Variants in ANO4 observed in about 807,000 individuals in gnomAD.
The protein encoded by ANO4 is anoctamin-4.
ANO4 carries 69 observed loss-of-function variants against 141.9 expected under a neutral mutation model. The observed-to-expected ratio is 0.49, with a 90% confidence interval of 0.40 to 0.59. ANO4 has a LOEUF of 0.59. Ranked by LOEUF, ANO4 falls within the 20% of genes least tolerant of loss-of-function variation. ANO4 has a pLI of 0.00. For missense variants in ANO4, 894 were observed against 1,162.2 expected (o/e 0.77, Z 3.36); for synonymous variants, 350 against 394.3 (o/e 0.89, Z 1.33).
chr12:100,939,293 A>G (rs766302054), intron 3 of ANO4, 22 bp from the exon 4 acceptor site: 2 of 1,604,834 alleles, frequency 1.2e-6, no homozygotes, highest in African/African-American at 1.3e-5. Flanking sequence ...CCCACCTTAT[A>G]ATGTATTTAC....
intron 8 of ANO4, among the ~76,000 whole-genome samples, chr12:101,019,496 C>G (rs1168893770): frequency 6.6e-6 from 1 of 152,056 alleles, no homozygotes; most frequent in Non-Finnish European, 1.5e-5. Flanking sequence ...AAGAAAGATC[C>G]TATTCACGAA....
At chr12:101,109,749 T>G (rs1341901692) in intron 22 of ANO4, among the ~76,000 whole-genome samples, 1 of 152,166 alleles carries the variant, frequency 6.6e-6, no homozygotes, top group Non-Finnish European at 1.5e-5. Context: ...CTACAAAAAT[T>G]ATTACTGTGA....
chr12:100,892,097 G>T (rs1034789275), intron 1 of ANO4, among the ~76,000 whole-genome samples: 13 of 152,186 alleles, frequency 8.5e-5, no homozygotes, highest in Admixed American at 7.2e-4. Flanking sequence ...TCTTTTTAAG[G>T]TTGAATAGAA....
At chr12:101,011,614 G>T (rs117700786) in intron 8 of ANO4, among the ~76,000 whole-genome samples, 2 of 152,100 alleles carry the variant, frequency 1.3e-5, no homozygotes, top group African/African-American at 4.8e-5. Flanking sequence ...AACAGAGGCA[G>T]AATAATTACA....
intron 1 of ANO4, among the ~76,000 whole-genome samples, chr12:100,890,041 A>T (rs1223192350): frequency 6.6e-6 from 1 of 152,176 alleles, no homozygotes; most frequent in South Asian, 2.1e-4. Context: ...TAATATTACT[A>T]TAATCATAAT....
intron 8 of ANO4, among the ~76,000 whole-genome samples, chr12:101,012,608 A>G (rs1328251963): frequency 6.6e-6 from 1 of 152,196 alleles, no homozygotes; most frequent in Non-Finnish European, 1.5e-5. Flanking sequence ...AGATAAGGTC[A>G]TTGGTATGGG....
intron 15 of ANO4, among the ~76,000 whole-genome samples, chr12:101,080,883 T>TTATATATATATATATATATA (rs1463149041): frequency 3.6e-4 from 27 of 74,092 alleles, no homozygotes; most frequent in Non-Finnish European, 6.0e-4. Flanking sequence ...TATATATATA[T>TTATATATATATATATATATA]TATATATATA....
intron 1 of ANO4, among the ~76,000 whole-genome samples, chr12:100,811,142 A>C (rs1593393897): frequency 6.6e-6 from 1 of 152,148 alleles, no homozygotes; most frequent in African/African-American, 2.4e-5. Flanking sequence ...GGAGAGGAAT[A>C]ATTTGGGCGG....
At chr12:100,890,083 A>G (rs1436847348) in intron 1 of ANO4, among the ~76,000 whole-genome samples, 3 of 150,732 alleles carry the variant, frequency 2.0e-5, no homozygotes, top group Non-Finnish European at 4.4e-5. Context: ...AATTATAATT[A>G]TGATACTAAG....
chr12:100,745,452 G>C (rs1300148056), intron 3 of ANO4, among the ~76,000 whole-genome samples: 1 of 152,174 alleles, frequency 6.6e-6, no homozygotes, highest in African/African-American at 2.4e-5. Flanking sequence ...AAGTTCTTGA[G>C]TTAGGAATTA....
At chr12:100,751,333 G>C (rs182459975) in intron 3 of ANO4, among the ~76,000 whole-genome samples, 2 of 152,172 alleles carry the variant, frequency 1.3e-5, no homozygotes, top group East Asian at 3.9e-4. Flanking sequence ...GAAAATCTCT[G>C]CTGACCTAAG....
chr12:100,744,044 C>T (rs938533746), intron 3 of ANO4, among the ~76,000 whole-genome samples: 6 of 152,182 alleles, frequency 3.9e-5, no homozygotes, highest in African/African-American at 1.4e-4. Context: ...CCATTCCTTT[C>T]TATCCAATCC....
chr12:100,733,854 A>T (rs921318583), exon 2 of ANO4: 2 of 701,192 alleles, frequency 2.9e-6, no homozygotes, highest in East Asian at 5.4e-5. Context: ...CCAGATCACC[A>T]TAGGTGAGCA....
intron 1 of ANO4, among the ~76,000 whole-genome samples, chr12:100,900,116 G>A (rs1295880293): frequency 4.0e-5 from 6 of 151,000 alleles, no homozygotes; most frequent in Admixed American, 2.6e-4. Flanking sequence ...AGAAGGATTT[G>A]CATAAAAAAG....
rs560763775 is a variant in ANO4 at position 101,117,915 on chromosome 12, C to T, written c.2570+1117C>T. Reference sequence around the variant, plus strand: ...CTGTGCAGTGACAGCATACCCTCCACCCCTTTAAACACTCATGCCAAGTTC... The same window carrying T: ...CTGTGCAGTGACAGCATACCCTCCATCCCTTTAAACACTCATGCCAAGTTC... On this transcript the variant is annotated intron_variant, in intron 25 of 27. Coordinates refer to ENST00000392977, the MANE Select transcript of ANO4 (RefSeq NM_001286615.2). Among the ~76,000 whole-genome samples the T allele has an allele frequency of 2.6e-5, 4 of 152,224 alleles. No individual in the cohort carries two copies. In the East Asian group the frequency reaches 7.7e-4, roughly 29 times the overall value.
intron 5 of ANO4, among the ~76,000 whole-genome samples, chr12:100,944,994 T>A (rs2042667003): frequency 6.6e-6 from 1 of 152,192 alleles, no homozygotes; most frequent in Non-Finnish European, 1.5e-5. Context: ...TTCCAGGAGT[T>A]AATTCAACCT....
At chr12:100,853,939 A>C (rs1055719440) in intron 1 of ANO4, among the ~76,000 whole-genome samples, 2 of 152,108 alleles carry the variant, frequency 1.3e-5, no homozygotes, top group Non-Finnish European at 2.9e-5. Context: ...TTTTGTAGCC[A>C]GTCAGTAGTT....
intron 1 of ANO4, among the ~76,000 whole-genome samples, chr12:100,892,461 A>C (rs1232443156): frequency 6.6e-6 from 1 of 152,146 alleles, no homozygotes; most frequent in Non-Finnish European, 1.5e-5. Flanking sequence ...TCTCCCAGGG[A>C]CTGAACACTC....
chr12:101,125,298 AT>A, intron 26 of ANO4, among the ~76,000 whole-genome samples: 1 of 152,166 alleles, frequency 6.6e-6, no homozygotes, highest in South Asian at 2.1e-4. Context: ...AATACTAATG[AT>A]TTTTGCACAT....
Sources: gnomAD v4.1 joint callset for allele counts (sites outside exome capture counted in the v4.1 genomes callset) on GRCh38, gnomAD v4.1.1 for gene constraint, MANE v1.5 for transcripts, NCBI Gene and HGNC (gene_info 2026-07-23, HGNC 2026-07-21) for gene names.